Variants in PCNX2 observed in about 807,000 individuals in gnomAD.
PCNX2 encodes pecanex 2.
Under a neutral mutation model 223.8 loss-of-function variants are expected in PCNX2, and 168 were observed. That is an observed-to-expected ratio of 0.75 (90% confidence interval 0.66 to 0.85). PCNX2 has a LOEUF of 0.85. PCNX2 is among the 40% of genes least tolerant of loss of function. The pLI, the probability that PCNX2 is intolerant of heterozygous loss-of-function variation, is 0.00. For synonymous variants in PCNX2, 1,006 were observed against 1,052.6 expected (o/e 0.96, Z 0.86); for missense variants, 2,507 against 2,675.5 (o/e 0.94, Z 1.39).
rs372374572 is a variant in PCNX2 at position 233,295,482 on chromosome 1, G to A, written c.-4C>T. ...GCTGCAGCACCTGGGACACCATGCC[G>A]GCTGCGCCCCGGGGCTGGTGAGCGC... On this transcript the variant is annotated 5_prime_UTR_variant, in exon 1 of 34. Transcript: ENST00000258229. The surrounding 1 kb of genome is among the most constrained non-coding windows in gnomAD (Gnocchi z 4.1). The A allele has an allele frequency of 1.1e-5, 17 of 1,546,870 alleles. No homozygotes were observed. Among genetic ancestry groups the A allele is most frequent in the South Asian group, 2.4e-5 (2 of 83,792 alleles).
In PCNX2 at chr1:232,984,298, C is replaced by A; in HGVS notation, c.*6G>T. The A allele has an allele frequency of 6.3e-7, 1 of 1,592,768 alleles. No individual in the cohort carries two copies. The highest frequency in any genetic ancestry group is 2.1e-4 in the Middle Eastern group (1 of 4,702). On this transcript the variant is annotated 3_prime_UTR_variant, in exon 34 of 34. Coordinates refer to ENST00000258229, the MANE Select transcript of PCNX2 (RefSeq NM_014801.4). ...GAGCCAGCCTCCCCGCCCGGCCGCA[C>A]GCCCGTCACTGCTCGTCTGACACAC...
chr1:233,208,806 C>A (rs1572080809), intron 12 of PCNX2, 117 bp from the exon 13 acceptor site: 5 of 223,114 alleles, frequency 2.2e-5, no homozygotes, highest in Non-Finnish European at 3.8e-5. Flanking sequence ...CATTTTCCCC[C>A]AAACACCACA....
chr1:233,134,838 C>A (rs1381562129), intron 21 of PCNX2, 175 bp downstream of exon 21: 2 of 610,066 alleles, frequency 3.3e-6, no homozygotes, highest in African/African-American at 1.9e-5. Flanking sequence ...GGCATACTTA[C>A]ATTCCATGGG....
intron 21 of PCNX2, among the ~76,000 whole-genome samples, chr1:233,112,631 T>C (rs1385189941): frequency 1.3e-5 from 2 of 152,254 alleles, no homozygotes; most frequent in African/African-American, 2.4e-5. Context: ...CAGAGAATGC[T>C]GCAAACTTTT....
rs372964645 is a variant in PCNX2 at position 233,019,087 on chromosome 1, G to T, written c.4606-1933C>A. 418 of 985,216 alleles carry T rather than the reference G, an allele frequency of 4.2e-4. No homozygotes were observed. The African/African-American group carries it at 5.4e-3, about 13-fold the overall frequency. The allele number at this position is 985,216 out of a possible 1,614,324, so 61.0% of individuals were successfully genotyped here. A position where few individuals can be genotyped will look rare whatever the true frequency, so the allele number is the denominator to read the frequency against. ...GTTTACTTGGGTATCTGGTTTCAAG[G>T]GTTTTTTTTTAGGACTTTAGCAGGT... On this transcript the variant is annotated intron_variant, in intron 26 of 33. Transcript: ENST00000258229.
intron 22 of PCNX2, among the ~76,000 whole-genome samples, chr1:233,091,916 C>T (rs1572095718): frequency 6.6e-6 from 1 of 151,794 alleles, no homozygotes; most frequent in African/African-American, 2.4e-5. Context: ...AAATCCAATT[C>T]TTTTTATTTT....
At chr1:233,105,836 C>A (rs1674733900) in intron 21 of PCNX2, among the ~76,000 whole-genome samples, 2 of 152,118 alleles carry the variant, frequency 1.3e-5, no homozygotes, top group Non-Finnish European at 2.9e-5. Context: ...ATTAGTGTAT[C>A]CATAAACACA....
At chr1:233,295,793 C>T (rs988252882), upstream of PCNX2, 3 of 287,688 alleles carry the variant, frequency 1.0e-5, no homozygotes, top group Non-Finnish European at 1.9e-5. This position sits in a 1 kb window ranked among gnomAD's most constrained non-coding sequence, Gnocchi z 4.1. Flanking sequence ...TCCCAACGCC[C>T]GCCCAGTCCC....
At chr1:233,136,458 C>CTGAA (rs1476773452) in intron 20 of PCNX2, among the ~76,000 whole-genome samples, 1 of 152,118 alleles carries the variant, frequency 6.6e-6, no homozygotes, top group Non-Finnish European at 1.5e-5. Context: ...TTTTTTGTGC[C>CTGAA]TTCAGACCTA....
At chr1:233,222,634 G>A (rs564020479) in intron 10 of PCNX2, among the ~76,000 whole-genome samples, 1 of 152,312 alleles carries the variant, frequency 6.6e-6, no homozygotes, top group South Asian at 2.1e-4. Flanking sequence ...GCTCAGACCA[G>A]GTGGTCACAT....
intron 21 of PCNX2, among the ~76,000 whole-genome samples, chr1:233,120,848 AAAC>A (rs1041694816): frequency 3.3e-5 from 5 of 152,164 alleles, no homozygotes; most frequent in African/African-American, 9.6e-5. Context: ...AAAATAAAAG[AAAC>A]AACAACAAAA....
intron 21 of PCNX2, among the ~76,000 whole-genome samples, chr1:233,105,600 T>C (rs1333208747): frequency 1.3e-5 from 2 of 152,120 alleles, no homozygotes; most frequent in African/African-American, 2.4e-5. Flanking sequence ...ACCTGTGAAG[T>C]ACAGTTTGGG....
At position 233,000,321 on chromosome 1, in the gene PCNX2, C is replaced by G; in HGVS notation, c.5312G>C (p.Ser1771Thr). Residue 1771 changes from serine (S) to threonine (T), a missense_variant, in exon 30 of 34, where the codon AGC (serine) becomes ACC (threonine). Ser to Thr is a moderately conservative substitution (Grantham distance 58, BLOSUM62 1). This residue lies in a region of PCNX2 where 1,372 missense variants were observed against 1,509.4 expected (regional missense o/e 0.91). Coordinates refer to ENST00000258229, the MANE Select transcript of PCNX2 (RefSeq NM_014801.4). This position sits in a 1 kb window ranked among gnomAD's most constrained non-coding sequence, Gnocchi z 4.6. ...KVIMLHRSFL[S>T]FKVIKVNKEC... ...CCGCCATACCTTGATCACCTTGAAGCTCAGGAAGCTTCTGTGGAGCATGAT... is the reference window on the plus strand; with the variant it reads ...CCGCCATACCTTGATCACCTTGAAGGTCAGGAAGCTTCTGTGGAGCATGAT... 1 of 1,613,982 alleles carries G rather than the reference C, an allele frequency of 6.2e-7. No individual in the cohort carries two copies. Among genetic ancestry groups the G allele is most frequent in the Non-Finnish European group, 8.5e-7 (1 of 1,179,898 alleles).
At chr1:232,984,838 G>C (rs1039231630) in intron 33 of PCNX2, 1 of 184,728 alleles carries the variant, frequency 5.4e-6, no homozygotes, top group African/African-American at 2.4e-5. Flanking sequence ...TAGCAGGCTT[G>C]ACCCCAGTAG....
chr1:233,050,498 A>C (rs779778637), intron 25 of PCNX2, among the ~76,000 whole-genome samples: 3 of 152,340 alleles, frequency 2.0e-5, no homozygotes, highest in Admixed American at 6.5e-5. Flanking sequence ...GACCAATGGA[A>C]CAGAATAGCA....
intron 30 of PCNX2, 57 bp from the exon 31 acceptor site, chr1:232,999,436 T>C: frequency 5.4e-6 from 8 of 1,470,336 alleles, no homozygotes; most frequent in Non-Finnish European, 5.4e-6. Flanking sequence ...TTCCAGTCTA[T>C]TGGTTTTTTC....
chr1:233,162,111 T>C lies in PCNX2; in HGVS notation c.3274-748A>G, dbSNP rs117617783. On this transcript the variant is annotated intron_variant, in intron 17 of 33. Transcript: ENST00000258229. ...ACTAATACTTTTTCATACAAAACTGTAGTGTAAGCAGTGGCTAGGGAAAAC... is the reference window on the plus strand; with the variant it reads ...ACTAATACTTTTTCATACAAAACTGCAGTGTAAGCAGTGGCTAGGGAAAAC... Among the ~76,000 whole-genome samples the C allele has an allele frequency of 4.3e-4, 66 of 152,102 alleles. No homozygotes were observed. The East Asian group carries it at 6.7e-3, about 16-fold the overall frequency.
chr1:233,005,447 G>C (rs1376250484), intron 28 of PCNX2, among the ~76,000 whole-genome samples: 2 of 152,176 alleles, frequency 1.3e-5, no homozygotes, highest in African/African-American at 2.4e-5. Flanking sequence ...AGAGGCTTGA[G>C]TTCCATCAAA....
intron 25 of PCNX2, among the ~76,000 whole-genome samples, chr1:233,051,644 T>C (rs1412668561): frequency 6.6e-6 from 1 of 151,964 alleles, no homozygotes. Flanking sequence ...GAGCTAAACG[T>C]TTGGTACTAA....
Sources: allele counts gnomAD v4.1 joint callset (sites outside exome capture counted in the v4.1 genomes callset), GRCh38; gene constraint gnomAD v4.1.1; regional missense constraint gnomAD v4.1.1; non-coding constraint Gnocchi (gnomAD v3.1); transcripts MANE v1.5; gene names NCBI Gene and HGNC (gene_info 2026-07-23, HGNC 2026-07-21).